ANKRD33: variants seen among roughly 807,000 people sequenced by gnomAD.
The protein encoded by ANKRD33 is ankyrin repeat domain 33.
Under a neutral mutation model 20.6 loss-of-function variants are expected in ANKRD33, and 20 were observed. The observed-to-expected ratio is 0.97, with a 90% confidence interval of 0.68 to 1.41. ANKRD33 has a LOEUF of 1.41. ANKRD33 is among the 40% of genes most tolerant of loss of function. The pLI is 0.00. For synonymous variants in ANKRD33, 246 were observed against 245.0 expected (o/e 1.00, Z -0.04); for missense variants, 545 against 579.6 (o/e 0.94, Z 0.61).
rs780080464 is a variant in ANKRD33, at chr12:51,890,648, C to T, written c.702C>T (p.Thr234=). The T allele has an allele frequency of 1.9e-5, 30 of 1,608,372 alleles. No homozygotes were observed. The East Asian group carries it at 2.7e-4, about 14-fold the overall frequency. Residue 234 remains threonine (T), a synonymous_variant, in exon 5 of 5, where the codon ACC becomes ACT. Transcript: ENST00000301190. ...CGGCCCTGGAATGGGCAGTGCTGACCGACAGCTTCGACACCGTGTGGAGGA... is the reference window on the plus strand; with the variant it reads ...CGGCCCTGGAATGGGCAGTGCTGACTGACAGCTTCGACACCGTGTGGAGGA... ...GKTALEWAVL[T]DSFDTVWRIR...
In ANKRD33 at chr12:51,890,913, G is replaced by A; in HGVS notation, c.967G>A (p.Ala323Thr). The A allele has an allele frequency of 6.2e-7, 1 of 1,613,438 alleles. No individual in the cohort carries two copies. The highest frequency in any genetic ancestry group is 8.5e-7 in the Non-Finnish European group (1 of 1,180,002). ...CCTGGCCAGTCCCTTCGTCACCACTGCCTGCCACACTCTGTGCCCTGACCA... is the reference window on the plus strand; with the variant it reads ...CCTGGCCAGTCCCTTCGTCACCACTACCTGCCACACTCTGTGCCCTGACCA... ...TSLASPFVTT[A>T]CHTLCPDHPP... Residue 323 changes from alanine to threonine, a missense_variant, in exon 5 of 5, where the codon GCC becomes ACC. By Grantham distance (58) the Ala-to-Thr change is moderately conservative. Coordinates refer to ENST00000301190, the MANE Select transcript of ANKRD33 (RefSeq NM_182608.4).
At position 51,891,590 on chromosome 12, in the gene ANKRD33, A is replaced by T. The variant is rs1940430786; in HGVS notation, c.*285A>T. On this transcript the variant is annotated 3_prime_UTR_variant, in exon 5 of 5. Coordinates refer to ENST00000301190, the MANE Select transcript of ANKRD33 (RefSeq NM_182608.4). ...AGTGTATTCTAAAATAAGACTAAGGAAGCTGTTTATATTCTGATATGAAAC... is the reference window on the plus strand; with the variant it reads ...AGTGTATTCTAAAATAAGACTAAGGTAGCTGTTTATATTCTGATATGAAAC... 1 of 454,342 alleles carries T rather than the reference A, an allele frequency of 2.2e-6. No homozygotes were observed. The allele number at this position is 454,342 out of a possible 1,614,324, so 28.1% of individuals were successfully genotyped here. A position where few individuals can be genotyped will look rare whatever the true frequency, so the allele number is the denominator to read the frequency against.
intron 4 of ANKRD33, chr12:51,890,235 G>A (rs946553328): frequency 1.8e-5 from 8 of 436,194 alleles, no homozygotes; most frequent in African/African-American, 6.0e-5. Flanking sequence ...GGAACCAGCC[G>A]ATCATCCCCA....
Position 51,889,172 on chromosome 12 carries a change from GC to G in ANKRD33, c.505del (p.Leu169SerfsTer12). 1 of 1,614,218 alleles carries G rather than the reference GC, an allele frequency of 6.2e-7. No homozygotes were observed. The highest frequency in any genetic ancestry group is 8.5e-7 in the Non-Finnish European group (1 of 1,180,050). On this transcript the variant is annotated frameshift_variant, in exon 3 of 5. Coordinates refer to ENST00000301190, the MANE Select transcript of ANKRD33 (RefSeq NM_182608.4). Reference protein sequence around the residue: ...VNQQDKGGDTALMLAAQAGHV... With the variant: ...VNQQDKGGDTXLMLAAQAGHV... ...CCAGCAGGACAAAGGAGGGGACACG[GC>G]CCTCATGTTGGCTGCCCAAGCAGGT...
intron 1 of ANKRD33, 57 bp from the exon 2 acceptor site, chr12:51,888,511 G>T (rs1479314297): frequency 1.3e-6 from 2 of 1,553,938 alleles, no homozygotes; most frequent in African/African-American, 2.8e-5. Context: ...CAGCTGCTGG[G>T]TCCCCTCCCT....
chr12:51,888,335 AG>A lies in ANKRD33; in HGVS notation c.145+5del, dbSNP rs766042133. Reference sequence around the variant, plus strand: ...ATAGATACCCTACGAACCCCAAGTAAGAAAAAACGACGACCCTCTCTCCGTG... The same window carrying A: ...ATAGATACCCTACGAACCCCAAGTAAAAAAAACGACGACCCTCTCTCCGTG... On this transcript the variant is annotated splice_donor_5th_base_variant and intron_variant, in intron 1 of 4. Transcript: ENST00000301190. 3 of 1,613,970 alleles carry A rather than the reference AG, an allele frequency of 1.9e-6. No homozygotes were observed. The highest frequency in any genetic ancestry group is 2.7e-5 in the African/African-American group (2 of 75,058).
chr12:51,888,458 G>T, intron 1 of ANKRD33, 110 bp from the exon 2 acceptor site: 1 of 1,566,982 alleles, frequency 6.4e-7, no homozygotes, highest in Non-Finnish European at 8.6e-7. Flanking sequence ...CGAGACCCCT[G>T]CTGGGATAAA....
chr12:51,888,975 C>A, intron 2 of ANKRD33, 92 bp from the exon 3 acceptor site: 1 of 1,589,554 alleles, frequency 6.3e-7, no homozygotes. Flanking sequence ...GGGTTTGGGG[C>A]AGGCTCTGGG....
intron 2 of ANKRD33, 120 bp downstream of exon 2, chr12:51,888,938 G>A (rs1312957028): frequency 4.7e-5 from 75 of 1,582,632 alleles, no homozygotes; most frequent in Non-Finnish European, 6.4e-5. Context: ...TAAGGAGGAA[G>A]GGAATGGTTA....
intron 2 of ANKRD33, 63 bp from the exon 3 acceptor site, chr12:51,889,004 G>A (rs561146440): frequency 1.2e-6 from 2 of 1,609,098 alleles, no homozygotes; most frequent in Non-Finnish European, 8.5e-7. Flanking sequence ...GGGTTTAGAG[G>A]GTGCAAGGGG....
intron 2 of ANKRD33, 88 bp downstream of exon 2, chr12:51,888,906 GGGGCAATA>G (rs1565583451): frequency 3.8e-6 from 6 of 1,593,520 alleles, no homozygotes. Context: ...GAGGGGTTCA[GGGGCAATA>G]CCTCCTGCAG....
chr12:51,890,960 A>C lies in ANKRD33; in HGVS notation c.1014A>C (p.Arg338=). 6.2e-7 allele frequency: 1 copy of C among 1,613,568 alleles called. No homozygotes were observed. The highest frequency in any genetic ancestry group is 8.5e-7 in the Non-Finnish European group (1 of 1,179,990). Residue 338 remains arginine, a synonymous_variant, in exon 5 of 5, where the codon CGA becomes CGC. Coordinates refer to ENST00000301190, the MANE Select transcript of ANKRD33 (RefSeq NM_182608.4). ...CPDHPPSLGT[R]SKSVPELLGT... Reference sequence around the variant, plus strand: ...ACCATCCACCTTCGCTGGGCACCCGAAGCAAGTCCGTGCCAGAGCTGTTAG... The same window carrying C: ...ACCATCCACCTTCGCTGGGCACCCGCAGCAAGTCCGTGCCAGAGCTGTTAG...
Position 51,891,305 on chromosome 12 carries a change from G to A in ANKRD33, c.1359G>A (p.Ter453=). 1 of 1,613,540 alleles carries A rather than the reference G, an allele frequency of 6.2e-7. No individual in the cohort carries two copies. The highest frequency in any genetic ancestry group is 8.5e-7 in the Non-Finnish European group (1 of 1,179,682). Residue 453 remains the stop codon, a stop_retained_variant, in exon 5 of 5, where the codon TAG becomes TAA. Coordinates refer to ENST00000301190, the MANE Select transcript of ANKRD33 (RefSeq NM_182608.4). The stretch of plus-strand genomic sequence containing the variant: ...AGGAGGCCAGAATGGCACAGAAGTA[G>A]GGGAAGATGGGATAGGACAGGCTGG... ...QEEEARMAQK[*]
chr12:51,889,474 G>A lies in ANKRD33; in HGVS notation c.629G>A (p.Arg210Gln), dbSNP rs199622035. ...GLTALMKAAMRNRCADLTAVD... is the reference protein window; with the variant it reads ...GLTALMKAAMQNRCADLTAVD... ...ACGGCGTTAATGAAGGCTGCCATGC[G>A]GAACCGCTGTGAGTGCGTGGCCACC... The change falls in exon 4 of 5, where the codon CGG becomes CAG. Residue 210 changes from arginine (R) to glutamine (Q), a missense_variant. Transcript: ENST00000301190. The A allele has an allele frequency of 1.4e-5, 23 of 1,613,950 alleles. No homozygotes were observed. The highest frequency in any genetic ancestry group is 6.7e-5 in the Admixed American group (4 of 60,024).
Position 51,888,811 on chromosome 12 carries a change from A to G in ANKRD33, c.389A>G (p.Asn130Ser), listed in dbSNP as rs773792420. 1.2e-6 allele frequency: 2 copies of G among 1,613,264 alleles called. No homozygotes were observed. The highest frequency in any genetic ancestry group is 1.7e-6 in the Non-Finnish European group (2 of 1,179,940). ...GAGGAGGCCACCCAGGTGGACAGCA[A>G]TGGGAGGGTGAGATGTCCTGGCTTC... Reference protein sequence around the residue: ...SPEEATQVDSNGRTGLMVACY... With the variant: ...SPEEATQVDSSGRTGLMVACY... The change falls in exon 2 of 5, where the codon AAT becomes AGT. Residue 130 changes from asparagine (N) to serine (S), a missense_variant. Transcript: ENST00000301190.
intron 1 of ANKRD33, 33 bp downstream of exon 1, chr12:51,888,364 T>G (rs1327654210): frequency 1.2e-6 from 2 of 1,613,032 alleles, no homozygotes; most frequent in African/African-American, 2.7e-5. Flanking sequence ...TCTCCGTGAG[T>G]CTCACTGGGG....
At chr12:51,888,961 C>T in intron 2 of ANKRD33, 106 bp from the exon 3 acceptor site, 4 of 1,585,258 alleles carry the variant, frequency 2.5e-6, no homozygotes, top group Non-Finnish European at 2.6e-6. Flanking sequence ...GGCGGGTCTT[C>T]ACGGGGTTTG....
At position 51,888,728 on chromosome 12, in the gene ANKRD33, C is replaced by T. The variant is rs964481625; in HGVS notation, c.306C>T (p.Ala102=). The T allele has an allele frequency of 6.2e-7, 1 of 1,614,076 alleles. No homozygotes were observed. Among genetic ancestry groups the T allele is most frequent in the Non-Finnish European group, 8.5e-7 (1 of 1,180,022 alleles). The change falls in exon 2 of 5, where the codon GCC becomes GCT. Residue 102 remains alanine (A), a synonymous_variant. Coordinates refer to ENST00000301190, the MANE Select transcript of ANKRD33 (RefSeq NM_182608.4). ...GCAGGCTGGGGGCCCTGTATTGGGC[C>T]TGTGTCCACAATGATCCCACCCAGC... ...PGCRLGALYW[A]CVHNDPTQLQ...
chr12:51,890,411 A>G lies in ANKRD33; in HGVS notation c.638-173A>G, dbSNP rs747706825. On this transcript the variant is annotated intron_variant, in intron 4 of 4. Transcript: ENST00000301190. ...TCCCCTCTCTGGACCTAAGTGTCTT[A>G]ATCTCTCTTAAACAGGAGGTTGCAA... The G allele has an allele frequency of 4.7e-5, 69 of 1,479,042 alleles. No individual in the cohort carries two copies. In the Admixed American group the frequency reaches 4.9e-4, roughly 11 times the overall value. The allele number at this position is 1,479,042 out of a possible 1,614,324, so 91.6% of individuals were successfully genotyped here.
Sources: gnomAD v4.1 joint callset for allele counts on GRCh38, gnomAD v4.1.1 for gene constraint, MANE v1.5 for transcripts, NCBI Gene and HGNC (gene_info 2026-07-23, HGNC 2026-07-21) for gene names.